Variants in LRRK1 observed in about 807,000 individuals in gnomAD.
The protein encoded by LRRK1 is leucine-rich repeat serine/threonine-protein kinase 1.
Under a neutral mutation model 209.1 loss-of-function variants are expected in LRRK1, and 113 were observed. The ratio of observed to expected loss-of-function variants is 0.54; its 90% CI spans 0.46 to 0.63. The LOEUF (loss-of-function observed/expected upper bound fraction) is 0.63, where lower values mean the gene tolerates loss of function less well. Ranked by LOEUF, LRRK1 falls within the 30% of genes least tolerant of loss-of-function variation. The probability of loss-of-function intolerance (pLI) is 0.00; values close to 1 mark genes in which losing one functional copy is unlikely to be tolerated. For missense variants in LRRK1, 2,284 were observed against 2,632.2 expected (o/e 0.87, Z 2.89); for synonymous variants, 1,144 against 1,099.7 (o/e 1.04, Z -0.80).
intron 2 of LRRK1, among the ~76,000 whole-genome samples, chr15:100,971,203 G>A (rs766528160): frequency 1.4e-4 from 21 of 151,752 alleles, no homozygotes; most frequent in South Asian, 4.2e-4. Context: ...ACTTGGTGGC[G>A]TGCACCTGTA....
intron 20 of LRRK1, among the ~76,000 whole-genome samples, chr15:101,039,158 C>A (rs1596307319): frequency 6.6e-6 from 1 of 152,078 alleles, no homozygotes; most frequent in Non-Finnish European, 1.5e-5. Flanking sequence ...CTTAAAAAAC[C>A]GTTGTGATTT....
At chr15:100,989,720 A>G (rs2032054921) in intron 6 of LRRK1, 1 of 492,390 alleles carries the variant, frequency 2.0e-6, no homozygotes, top group Non-Finnish European at 3.6e-6. Flanking sequence ...TCACCTCTTA[A>G]TGGTCCCATC....
chr15:100,972,917 TAC>T (rs10629976), intron 2 of LRRK1, among the ~76,000 whole-genome samples: 1 of 123,824 alleles, frequency 8.1e-6, no homozygotes. Flanking sequence ...CGAAAAACTG[TAC>T]ACACACACAC....
chr15:101,010,866 C>A, intron 9 of LRRK1, 29 bp downstream of exon 9: 1 of 1,595,280 alleles, frequency 6.3e-7, no homozygotes, highest in South Asian at 1.1e-5. Context: ...GTCATGAAAG[C>A]CACAGTCAAC....
At position 101,029,197 on chromosome 15, in the gene LRRK1, C is replaced by T. The variant is rs1399623877; in HGVS notation, c.2928C>T (p.Ala976=). ...QTEEQYFQFL[A]KFEIALPVAN... ...AAGAGCAGTACTTCCAGTTCCTGGC[C>T]AAGTTTGAGATCGCCCTGCCCGTCG... The change falls in exon 20 of 34, where the codon GCC becomes GCT. Residue 976 remains alanine (A), a synonymous_variant. Transcript: ENST00000388948. 3 of 1,613,478 alleles carry T rather than the reference C, an allele frequency of 1.9e-6. No individual in the cohort carries two copies. The highest frequency in any genetic ancestry group is 2.5e-6 in the Non-Finnish European group (3 of 1,179,472).
At chr15:101,062,375 C>G in intron 30 of LRRK1, 199 bp from the exon 31 acceptor site, 1 of 531,162 alleles carries the variant, frequency 1.9e-6, no homozygotes, top group Non-Finnish European at 3.4e-6. Flanking sequence ...TCTGTTTCCT[C>G]TTTAGACTAG....
At chr15:101,025,681 C>T (rs1419662217) in intron 16 of LRRK1, among the ~76,000 whole-genome samples, 1 of 152,234 alleles carries the variant, frequency 6.6e-6, no homozygotes, top group African/African-American at 2.4e-5. Flanking sequence ...TGTGAACTGA[C>T]ATAGGGTGAA....
intron 20 of LRRK1, among the ~76,000 whole-genome samples, chr15:101,032,232 A>G (rs1445907361): frequency 6.6e-6 from 1 of 152,012 alleles, no homozygotes; most frequent in Non-Finnish European, 1.5e-5. Flanking sequence ...TATGATTAGA[A>G]TGTTTTCCTT....
chr15:101,050,983 A>C (rs1427864529), intron 23 of LRRK1, among the ~76,000 whole-genome samples: 1 of 152,150 alleles, frequency 6.6e-6, no homozygotes, highest in Non-Finnish European at 1.5e-5. Flanking sequence ...TTAGACAGTC[A>C]CCTGAGATGG....
intron 23 of LRRK1, among the ~76,000 whole-genome samples, chr15:101,050,155 C>T (rs1045817387): frequency 6.6e-6 from 1 of 152,160 alleles, no homozygotes; most frequent in Non-Finnish European, 1.5e-5. Context: ...GCAGGGGAGC[C>T]GGCAGATGGA....
intron 2 of LRRK1, among the ~76,000 whole-genome samples, chr15:100,958,451 GTGCTAAAGCAAGGCTTT>G (rs2042810970): frequency 6.6e-6 from 1 of 152,180 alleles, no homozygotes; most frequent in Non-Finnish European, 1.5e-5. Flanking sequence ...CCCAGCAAGG[GTGCTAAAGCAAGGCTTT>G]TGTCTTCCAC....
chr15:101,025,911 G>C, intron 16 of LRRK1, 54 bp from the exon 17 acceptor site: 4 of 1,596,926 alleles, frequency 2.5e-6, no homozygotes, highest in Non-Finnish European at 3.4e-6. Flanking sequence ...GCTCTGTCCT[G>C]TCCCTTGTTC....
chr15:100,983,578 C>A lies in LRRK1; in HGVS notation c.312C>A (p.Arg104=). Residue 104 remains arginine (R), a synonymous_variant, in exon 4 of 34, where the codon CGC becomes CGA. Transcript: ENST00000388948. ...PAAYGDLEMV[R]YLLSKRLVEL... is the part of the protein sequence containing the mutation. ...CCTATGGGGATCTGGAGATGGTCCGCTACCTACTCAGCAAGAGACTGGTGG... is the reference window on the plus strand; with the variant it reads ...CCTATGGGGATCTGGAGATGGTCCGATACCTACTCAGCAAGAGACTGGTGG... The A allele has an allele frequency of 1.2e-6, 2 of 1,611,980 alleles. No individual in the cohort carries two copies. The highest frequency in any genetic ancestry group is 2.7e-5 in the African/African-American group (2 of 74,986).
At chr15:101,016,616 T>A (rs977932023) in intron 12 of LRRK1, among the ~76,000 whole-genome samples, 2 of 152,112 alleles carry the variant, frequency 1.3e-5, no homozygotes, top group Non-Finnish European at 2.9e-5. Context: ...GACATATGAA[T>A]TTGGTGGGGG....
At chr15:100,976,434 A>C (rs2031296910) in intron 3 of LRRK1, among the ~76,000 whole-genome samples, 1 of 152,254 alleles carries the variant, frequency 6.6e-6, no homozygotes, top group Non-Finnish European at 1.5e-5. Context: ...AAAGTTATTC[A>C]ACTTCGTTAA....
chr15:100,995,700 A>G (rs62021191), intron 6 of LRRK1, among the ~76,000 whole-genome samples: 77 of 152,264 alleles, frequency 5.1e-4, no homozygotes, highest in Non-Finnish European at 8.7e-4. Context: ...AAGCCTAATC[A>G]GATCCCAGAA....
chr15:101,023,622 G>C (rs1303613242), intron 15 of LRRK1, among the ~76,000 whole-genome samples: 1 of 152,188 alleles, frequency 6.6e-6, no homozygotes, highest in East Asian at 1.9e-4. Context: ...AAACTGAGGA[G>C]GCTTGAGATC....
chr15:100,975,757 T>C lies in LRRK1; in HGVS notation c.261+1790T>C, dbSNP rs565931735. On this transcript the variant is annotated intron_variant, in intron 3 of 33. Coordinates refer to ENST00000388948, the MANE Select transcript of LRRK1 (RefSeq NM_024652.6). ...GCTTTTACAAATCAATATGAAATAATAACATAATTTTCAAAAGGGCAGCAG... is the reference window on the plus strand; with the variant it reads ...GCTTTTACAAATCAATATGAAATAACAACATAATTTTCAAAAGGGCAGCAG... Among the ~76,000 whole-genome samples, 4 of 152,140 alleles carry C rather than the reference T, an allele frequency of 2.6e-5. No homozygotes were observed. The South Asian group carries it at 8.3e-4, about 32-fold the overall frequency.
At chr15:100,926,680 C>CTTTTTTTTTTTT (rs71151990) in intron 2 of LRRK1, among the ~76,000 whole-genome samples, 83 of 81,808 alleles carry the variant, frequency 1.0e-3, no homozygotes, top group East Asian at 2.4e-3. Context: ...TTCTTTTTTT[C>CTTTTTTTTTTTT]TTTTTTTTTT....
Sources: gnomAD v4.1 joint callset for allele counts (sites outside exome capture counted in the v4.1 genomes callset) on GRCh38, gnomAD v4.1.1 for gene constraint, MANE v1.5 for transcripts, NCBI Gene and HGNC (gene_info 2026-07-23, HGNC 2026-07-21) for gene names.